Variants in NRG3 observed in about 807,000 individuals in gnomAD.
The protein encoded by NRG3 is neuregulin 3, also known as pro-neuregulin-3, membrane-bound isoform.
A neutral mutation model predicts 66.9 loss-of-function variants in NRG3; 31 were observed. The ratio of observed to expected loss-of-function variants is 0.46; its 90% CI spans 0.35 to 0.63. The LOEUF is 0.63. Ranked by LOEUF, NRG3 falls within the 20% of genes least tolerant of loss-of-function variation. NRG3 has a pLI of 0.00. For synonymous variants in NRG3, 393 were observed against 359.4 expected (o/e 1.09, Z -1.06); for missense variants, 910 against 878.9 (o/e 1.04, Z -0.45).
At chr10:82,507,204 A>C (rs576133217) in intron 2 of NRG3, among the ~76,000 whole-genome samples, 2 of 152,276 alleles carry the variant, frequency 1.3e-5, no homozygotes, top group East Asian at 3.9e-4. Flanking sequence ...TGCTTCCTAA[A>C]CTTATGCAGC....
Position 81,937,948 on chromosome 10 carries a change from CT to C in NRG3, c.823+61789del, listed in dbSNP as rs535905004. Reference sequence around the variant, plus strand: ...TGTAAGGCTAGAGTCCAACTTTGTTCTTTTCCATGTGGGTATCCAGTTTTCC... The same window carrying C: ...TGTAAGGCTAGAGTCCAACTTTGTTCTTTCCATGTGGGTATCCAGTTTTCC... On this transcript the variant is annotated intron_variant, in intron 1 of 8. Transcript: ENST00000372141. Among the ~76,000 whole-genome samples the C allele has an allele frequency of 7.4e-3, 1,120 of 152,110 alleles. 13 individuals are homozygous for C. Among genetic ancestry groups the C allele is most frequent in the African/African-American group, 0.026 (1,065 of 41,542 alleles).
intron 2 of NRG3, among the ~76,000 whole-genome samples, chr10:82,583,591 A>T (rs994946999): frequency 6.6e-6 from 1 of 152,198 alleles, no homozygotes; most frequent in Non-Finnish European, 1.5e-5. Flanking sequence ...TGATTTCTAT[A>T]AAAACCTTCA....
intron 2 of NRG3, among the ~76,000 whole-genome samples, chr10:82,525,169 G>A (rs1167125280): frequency 6.6e-6 from 1 of 151,808 alleles, no homozygotes; most frequent in Non-Finnish European, 1.5e-5. Flanking sequence ...TAAAAAGTTT[G>A]TAAGGAATTA....
intron 2 of NRG3, among the ~76,000 whole-genome samples, chr10:82,597,992 C>T (rs10884989): frequency 0.45 from 68,814 of 151,474 alleles, 17,333 homozygotes; most frequent in African/African-American, 0.66. Context: ...AATGCATGTA[C>T]CTTGATGATA....
chr10:82,236,710 C>CTT (rs370359467), intron 1 of NRG3, among the ~76,000 whole-genome samples: 3,805 of 93,458 alleles, frequency 0.041, 240 homozygotes, highest in African/African-American at 0.06. Context: ...AAAACTAGAA[C>CTT]TTTTTTTTTT....
intron 2 of NRG3, among the ~76,000 whole-genome samples, chr10:82,489,992 A>G (rs763421668): frequency 7.2e-5 from 11 of 152,216 alleles, no homozygotes; most frequent in Non-Finnish European, 1.5e-4. Flanking sequence ...CAAGGCACAG[A>G]GAAGATGAAT....
chr10:82,035,594 G>A (rs1228649103), intron 1 of NRG3, among the ~76,000 whole-genome samples: 2 of 152,014 alleles, frequency 1.3e-5, no homozygotes, highest in Admixed American at 1.3e-4. Context: ...ATTTCACCAT[G>A]TATGAATCTA....
chr10:82,387,134 C>T (rs1433640710), intron 2 of NRG3, among the ~76,000 whole-genome samples: 1 of 152,178 alleles, frequency 6.6e-6, no homozygotes, highest in African/African-American at 2.4e-5. Flanking sequence ...TGTCATATTT[C>T]ATTTTTGCCA....
chr10:82,901,816 AC>A (rs1477426506), intron 4 of NRG3, among the ~76,000 whole-genome samples: 4 of 152,320 alleles, frequency 2.6e-5, no homozygotes, highest in Admixed American at 6.5e-5. Context: ...CAGGTACCTA[AC>A]ATCAATCCTC....
chr10:82,689,507 G>A (rs950190506), intron 2 of NRG3, among the ~76,000 whole-genome samples: 1 of 152,128 alleles, frequency 6.6e-6, no homozygotes, highest in Non-Finnish European at 1.5e-5. Flanking sequence ...GCCCAGGAAT[G>A]ACTAAAGCCT....
At chr10:82,512,522 C>A (rs1219060631) in intron 2 of NRG3, among the ~76,000 whole-genome samples, 2 of 152,006 alleles carry the variant, frequency 1.3e-5, no homozygotes, top group Admixed American at 6.6e-5. Flanking sequence ...CTGGCCTTGG[C>A]CTCCCAAAGT....
intron 1 of NRG3, among the ~76,000 whole-genome samples, chr10:82,095,219 G>A (rs1236622047): frequency 6.6e-6 from 1 of 151,972 alleles, no homozygotes. Flanking sequence ...ATAGAAAAAT[G>A]CGAACTAACC....
At chr10:82,174,515 A>T (rs2072880426) in intron 1 of NRG3, among the ~76,000 whole-genome samples, 1 of 151,960 alleles carries the variant, frequency 6.6e-6, no homozygotes, top group Admixed American at 6.6e-5. Context: ...TGTTTGTTTT[A>T]AGTTTAGAAA....
At chr10:82,604,189 C>T (rs2047815638) in intron 2 of NRG3, among the ~76,000 whole-genome samples, 1 of 152,086 alleles carries the variant, frequency 6.6e-6, no homozygotes, top group South Asian at 2.1e-4. Context: ...TTTGTTCCAC[C>T]TATTCATCCC....
chr10:82,092,492 A>G (rs889860466), intron 1 of NRG3, among the ~76,000 whole-genome samples: 6 of 151,972 alleles, frequency 3.9e-5, no homozygotes, highest in Admixed American at 3.3e-4. Context: ...AAGATTCCCA[A>G]TCTTCAGTCA....
At chr10:82,103,613 A>G (rs2066889558) in intron 1 of NRG3, among the ~76,000 whole-genome samples, 4 of 152,140 alleles carry the variant, frequency 2.6e-5, no homozygotes, top group Admixed American at 2.6e-4. Context: ...CTTTGGGTCT[A>G]TTACATGCGT....
At chr10:81,952,929 G>A (rs1217610986) in intron 1 of NRG3, among the ~76,000 whole-genome samples, 2 of 151,826 alleles carry the variant, frequency 1.3e-5, no homozygotes, top group Non-Finnish European at 2.9e-5. Context: ...TGGACACTTG[G>A]CCGTTAACTT....
chr10:82,752,855 T>C (rs7075478), intron 3 of NRG3, among the ~76,000 whole-genome samples: 16,000 of 152,176 alleles, frequency 0.11, 2,632 homozygotes, highest in African/African-American at 0.35. Context: ...GCCTTTAGGA[T>C]CATAATAAAT....
At chr10:82,707,815 C>T (rs1050560989) in intron 2 of NRG3, among the ~76,000 whole-genome samples, 1 of 134,892 alleles carries the variant, frequency 7.4e-6, no homozygotes, top group Non-Finnish European at 1.5e-5. Flanking sequence ...TTGAGACAAG[C>T]CTGACCAACA....
Sources: allele counts gnomAD v4.1 joint callset (sites outside exome capture counted in the v4.1 genomes callset), GRCh38; gene constraint gnomAD v4.1.1; transcripts MANE v1.5; gene names NCBI Gene and HGNC (gene_info 2026-07-23, HGNC 2026-07-21).